The following COL6A5 variants were observed in gnomAD, a reference collection of about 807,000 sequenced individuals.
The protein encoded by COL6A5 is collagen type VI alpha 5 chain.
In COL6A5, 48 loss-of-function variants were observed where a neutral mutation model predicts 65.6. The ratio of observed to expected loss-of-function variants is 0.73; its 90% CI spans 0.58 to 0.93. The LOEUF (loss-of-function observed/expected upper bound fraction) is 0.93, where lower values mean the gene tolerates loss of function less well. COL6A5 is among the 40% of genes least tolerant of loss of function. The probability of loss-of-function intolerance (pLI) is 0.00; values close to 1 mark genes in which losing one functional copy is unlikely to be tolerated. For missense variants in COL6A5, 914 were observed against 928.3 expected, an observed-to-expected ratio of 0.98 and a Z score of 0.20; for synonymous variants, 291 against 322.8, an observed-to-expected ratio of 0.90 and a Z score of 1.05.
At chr3:130,366,122 C>A (rs1484368954) in intron 1 of COL6A5, among the ~76,000 whole-genome samples, 4 of 152,150 alleles carry the variant, frequency 2.6e-5, no homozygotes, top group African/African-American at 9.7e-5. Context: ...GGTCCAATGT[C>A]ATTTATTTCC....
chr3:130,385,221 T>C, exon 5 of COL6A5: 1 of 1,551,038 alleles, frequency 6.4e-7, no homozygotes, highest in Non-Finnish European at 8.7e-7. Context: ...CAAATCACTG[T>C]TCATGCAGTT....
intron 29 of COL6A5, among the ~76,000 whole-genome samples, chr3:130,424,603 G>A (rs1181994243): frequency 6.6e-6 from 1 of 152,078 alleles, no homozygotes; most frequent in Admixed American, 6.6e-5. Context: ...TTTGTGCATT[G>A]TGAGTATTTT....
intron 3 of COL6A5, among the ~76,000 whole-genome samples, chr3:130,442,774 A>C (rs1577514502): frequency 6.6e-6 from 1 of 152,350 alleles, no homozygotes; most frequent in East Asian, 1.9e-4. Context: ...AAAGAAATAG[A>C]AAAAAGGAAA....
At chr3:130,362,320 ATATATATTTTTTTT>A (rs1175096624) in intron 1 of COL6A5, among the ~76,000 whole-genome samples, 34 of 3,070 alleles carry the variant, frequency 0.011, 1 homozygote, top group East Asian at 0.11. Flanking sequence ...ATATATATAT[ATATATATTTTTTTT>A]TTTTTTTTTT....
chr3:130,363,239 T>C (rs551397115), intron 1 of COL6A5, among the ~76,000 whole-genome samples: 3 of 152,336 alleles, frequency 2.0e-5, no homozygotes, highest in African/African-American at 7.2e-5. Flanking sequence ...CTTTCAAATA[T>C]CACTATACTG....
chr3:130,349,814 C>T (rs1009452049), intron 1 of COL6A5, among the ~76,000 whole-genome samples: 3 of 152,132 alleles, frequency 2.0e-5, no homozygotes, highest in Admixed American at 1.3e-4. Flanking sequence ...CCAAGTCATA[C>T]GCTAATATAT....
chr3:130,379,966 A>C lies in COL6A5; in HGVS notation c.1216A>C (p.Ser406Arg), dbSNP rs114174330. 1,147 of 1,551,086 alleles carry C rather than the reference A, an allele frequency of 7.4e-4. 5 individuals are homozygous for C. The African/African-American group carries it at 0.014, about 19-fold the overall frequency. Reference sequence around the variant, plus strand: ...GTCCTATGCAGACTTAGAAACTTACAGTACAAAGTTCCTGAAAAAGCTCCA... The same window carrying C: ...GTCCTATGCAGACTTAGAAACTTACCGTACAAAGTTCCTGAAAAAGCTCCA... Residue 406 changes from serine (S) to arginine (R), a missense_variant and NMD_transcript_variant, in exon 4 of 42, where the codon AGT becomes CGT. Coordinates refer to the COL6A5 transcript ENST00000312481.
rs1709875164 is a variant in COL6A5 at position 130,468,713 on chromosome 3, T to A, written c.1545-82T>A. The A allele has an allele frequency of 2.0e-5, 18 of 886,280 alleles. No individual in the cohort carries two copies. The South Asian group carries it at 3.1e-4, about 15-fold the overall frequency. 54.9% of individuals were successfully genotyped at this position (886,280 alleles called of 1,614,324 possible). On this transcript the variant is annotated intron_variant, in intron 5 of 7. Transcript: ENST00000512836. ...GAAATGCAGCATGGTAATAACCTCA[T>A]GCTGTGTATTTGCCATCTATGACTA...
At chr3:130,376,787 C>T in exon 3 of COL6A5, 1 of 1,613,442 alleles carries the variant, frequency 6.2e-7, no homozygotes, top group Non-Finnish European at 8.5e-7. Flanking sequence ...CACAGATCAT[C>T]AAGGATGTAA....
intron 1 of COL6A5, among the ~76,000 whole-genome samples, chr3:130,435,962 T>C (rs1709018732): frequency 6.6e-6 from 1 of 152,018 alleles, no homozygotes; most frequent in Non-Finnish European, 1.5e-5. Context: ...CAGAACTTCC[T>C]ATAATATGTT....
At chr3:130,361,317 C>G (rs1935098808) in intron 1 of COL6A5, among the ~76,000 whole-genome samples, 1 of 152,056 alleles carries the variant, frequency 6.6e-6, no homozygotes, top group Non-Finnish European at 1.5e-5. Flanking sequence ...TCCAGAATGT[C>G]ATACAGTTGT....
chr3:130,409,827 C>A (rs1319734043), intron 18 of COL6A5, among the ~76,000 whole-genome samples, 182 bp from the exon 19 acceptor site: 1 of 152,142 alleles, frequency 6.6e-6, no homozygotes. Flanking sequence ...GCCAAATCTT[C>A]TTCAAACTTG....
exon 18 of COL6A5, chr3:130,409,379 A>C (rs771005766): frequency 6.5e-7 from 1 of 1,549,142 alleles, no homozygotes; most frequent in South Asian, 1.2e-5. Context: ...AGGGCTTCCC[A>C]GGGGATCCGG....
intron 5 of COL6A5, among the ~76,000 whole-genome samples, chr3:130,465,347 A>G (rs1709790878): frequency 6.6e-6 from 1 of 152,076 alleles, no homozygotes; most frequent in Non-Finnish European, 1.5e-5. Flanking sequence ...TTGACAGCAC[A>G]TGCATGTGAA....
intron 5 of COL6A5, 115 bp from the exon 38 acceptor site, chr3:130,468,680 T>G: frequency 2.9e-6 from 2 of 697,462 alleles, no homozygotes; most frequent in Non-Finnish European, 4.7e-6. Context: ...ATGTCTGCCA[T>G]GAGTATGGAA....
At chr3:130,481,653 C>T (rs113975936) in intron 7 of COL6A5, among the ~76,000 whole-genome samples, 110 of 152,242 alleles carry the variant, frequency 7.2e-4, no homozygotes, top group African/African-American at 2.5e-3. Flanking sequence ...CTAATTTACA[C>T]TCCCACCAAC....
upstream of COL6A5, chr3:130,429,670 G>A (rs778199505): frequency 5.2e-5 from 58 of 1,118,542 alleles, no homozygotes; most frequent in Non-Finnish European, 6.8e-5. Flanking sequence ...CCTCAACTCC[G>A]TGGGAAACAG....
chr3:130,476,788 T>C, intron 7 of COL6A5: 1 of 577,212 alleles, frequency 1.7e-6, no homozygotes, highest in Non-Finnish European at 3.2e-6. Flanking sequence ...TTATTATTCT[T>C]CATTATTTTC....
intron 10 of COL6A5, among the ~76,000 whole-genome samples, chr3:130,398,748 A>G (rs1457787195): frequency 6.6e-6 from 1 of 152,214 alleles, no homozygotes; most frequent in Admixed American, 6.5e-5. Context: ...ATATAGGGAT[A>G]CAAAAGCCTG....
Sources: gnomAD v4.1 joint callset for allele counts (sites outside exome capture counted in the v4.1 genomes callset) on GRCh38, gnomAD v4.1.1 for gene constraint, MANE v1.5 for transcripts, NCBI Gene and HGNC (gene_info 2026-07-23, HGNC 2026-07-21) for gene names.